Variants in GALNT14 observed in about 807,000 individuals in gnomAD.
The protein encoded by GALNT14 is polypeptide N-acetylgalactosaminyltransferase 14.
In GALNT14, 60 loss-of-function variants were observed where a neutral mutation model predicts 77.5. The ratio of observed to expected loss-of-function variants is 0.77; its 90% CI spans 0.63 to 0.96. GALNT14 has a LOEUF of 0.96. GALNT14 is among the 40% of genes least tolerant of loss of function. GALNT14 has a pLI of 0.00. For missense variants in GALNT14, 710 were observed against 731.0 expected (o/e 0.97, Z 0.33); for synonymous variants, 280 against 281.7 (o/e 0.99, Z 0.06).
At chr2:31,085,679 G>C (rs935659086) in intron 1 of GALNT14, among the ~76,000 whole-genome samples, 2 of 152,176 alleles carry the variant, frequency 1.3e-5, no homozygotes, top group African/African-American at 4.8e-5. Context: ...ATTTCCTTTT[G>C]CTGCACTGCG....
At chr2:30,967,374 G>C (rs1227734517) in intron 2 of GALNT14, among the ~76,000 whole-genome samples, 1 of 152,164 alleles carries the variant, frequency 6.6e-6, no homozygotes, top group East Asian at 1.9e-4. Context: ...TAATGGCCCT[G>C]GTGTCATGTT....
chr2:30,978,645 T>C (rs1668790760), intron 2 of GALNT14, among the ~76,000 whole-genome samples: 2 of 152,308 alleles, frequency 1.3e-5, no homozygotes, highest in South Asian at 4.1e-4. Context: ...GAGGATTCAC[T>C]CGCTCACCGG....
rs1036544947 is a variant in GALNT14, at chr2:31,021,061, G to A, written c.130-28054C>T. Among the ~76,000 whole-genome samples, 174 of 152,292 alleles carry A rather than the reference G, an allele frequency of 1.1e-3. 1 individual carries two copies. Among genetic ancestry groups the A allele is most frequent in the African/African-American group, 3.9e-3 (164 of 41,568 alleles). Reference sequence around the variant, plus strand: ...AATCAATTGCCAATGGGACTGGAGGGAAGGCAGGAGCACAAATGCCCATCT... The same window carrying A: ...AATCAATTGCCAATGGGACTGGAGGAAAGGCAGGAGCACAAATGCCCATCT... On this transcript the variant is annotated intron_variant, in intron 1 of 14. Coordinates refer to ENST00000349752, the MANE Select transcript of GALNT14 (RefSeq NM_024572.4).
At chr2:31,076,903 G>A (rs1215685927) in intron 1 of GALNT14, among the ~76,000 whole-genome samples, 3 of 152,126 alleles carry the variant, frequency 2.0e-5, no homozygotes, top group Non-Finnish European at 4.4e-5. Flanking sequence ...AAGCCCCAAA[G>A]TTAGGGACGC....
At chr2:31,064,861 A>G (rs1409743675) in intron 1 of GALNT14, among the ~76,000 whole-genome samples, 5 of 152,048 alleles carry the variant, frequency 3.3e-5, no homozygotes, top group African/African-American at 1.2e-4. Context: ...TCTCCTGGGA[A>G]TAACTTTCCC....
At chr2:30,927,999 G>C (rs1013583269) in intron 11 of GALNT14, among the ~76,000 whole-genome samples, 2 of 152,192 alleles carry the variant, frequency 1.3e-5, no homozygotes, top group Non-Finnish European at 2.9e-5. Context: ...GAAGGTCTGA[G>C]GACAAGACCT....
rs773888092 is a variant in GALNT14, at chr2:30,955,693, G to A, written c.579C>T (p.Thr193=). The change falls in exon 6 of 15, where the codon ACC becomes ACT. Residue 193 remains threonine (T), a synonymous_variant. Coordinates refer to ENST00000349752, the MANE Select transcript of GALNT14 (RefSeq NM_024572.4). ...RIRGADIAQG[T]TLTFLDSHCE... ...AGTGGCTGTCGAGGAAAGTCAGAGT[G>A]GTGCCCTGGGCGATGTCAGCGCCCC... The A allele has an allele frequency of 6.8e-6, 11 of 1,614,164 alleles. 1 individual carries two copies. The South Asian group carries it at 1.2e-4, about 18-fold the overall frequency.
intron 1 of GALNT14, among the ~76,000 whole-genome samples, chr2:31,052,357 T>G (rs1673926875): frequency 1.3e-5 from 2 of 152,038 alleles, no homozygotes; most frequent in African/African-American, 4.8e-5. Flanking sequence ...TACAGCTGGG[T>G]GGATGACAGC....
intron 3 of GALNT14, 135 bp from the exon 4 acceptor site, chr2:30,958,599 T>C (rs1049864443): frequency 1.5e-6 from 1 of 659,714 alleles, no homozygotes; most frequent in Non-Finnish European, 2.7e-6. Context: ...CCAGTCATAT[T>C]GCTTATCTGT....
intron 1 of GALNT14, among the ~76,000 whole-genome samples, chr2:31,132,089 T>A (rs931987274): frequency 2.0e-5 from 3 of 152,136 alleles, no homozygotes; most frequent in Non-Finnish European, 4.4e-5. Context: ...TGCAGGTCCC[T>A]GGGACAGGGC....
intron 1 of GALNT14, among the ~76,000 whole-genome samples, chr2:31,109,459 A>C (rs984144779): frequency 6.6e-6 from 1 of 152,242 alleles, no homozygotes; most frequent in African/African-American, 2.4e-5. Flanking sequence ...AAAGACAAGG[A>C]ATGTCTGGCT....
intron 1 of GALNT14, among the ~76,000 whole-genome samples, chr2:31,034,321 A>G (rs763180373): frequency 5.9e-5 from 9 of 152,178 alleles, no homozygotes; most frequent in Non-Finnish European, 1.3e-4. Context: ...CTTATAGTGC[A>G]TCTGGAACAC....
chr2:30,964,675 G>C (rs965955914), intron 3 of GALNT14, among the ~76,000 whole-genome samples: 1 of 152,228 alleles, frequency 6.6e-6, no homozygotes, highest in African/African-American at 2.4e-5. Flanking sequence ...AGCAGACAGG[G>C]CTGTCCCCTT....
chr2:30,950,175 T>A (rs376229759), intron 6 of GALNT14, among the ~76,000 whole-genome samples: 63 of 152,328 alleles, frequency 4.1e-4, no homozygotes, highest in Non-Finnish European at 7.2e-4. Flanking sequence ...ATGATTTATA[T>A]AAATTTACCA....
the GALNT14 span, among the ~76,000 whole-genome samples, chr2:30,890,955 GA>G: frequency 6.3e-3 from 962 of 152,288 alleles, 6 homozygotes; most frequent in African/African-American, 0.02. Flanking sequence ...GCCAGCCTGA[GA>G]CCAGGAGGCC....
At chr2:30,977,882 C>G (rs1213153049) in intron 2 of GALNT14, among the ~76,000 whole-genome samples, 4 of 152,184 alleles carry the variant, frequency 2.6e-5, no homozygotes, top group Non-Finnish European at 4.4e-5. Context: ...TGATCTACAC[C>G]CCTGGTTTGC....
In GALNT14 at chr2:30,992,848, G is replaced by A. The variant is rs775877765; in HGVS notation, c.289C>T (p.Arg97Cys). The change falls in exon 2 of 15, where the codon CGC becomes TGC. Residue 97 changes from arginine to cysteine, a missense_variant. By Grantham distance (180) the Arg-to-Cys change is radical. Transcript: ENST00000349752. Reference sequence around the variant, plus strand: ...AGAAGGAGGAAGTACCTCAGATGGCGAGTGTCCGGGATGGCCCGATTGCTG... The same window carrying A: ...AGAAGGAGGAAGTACCTCAGATGGCAAGTGTCCGGGATGGCCCGATTGCTG... ...ISSNRAIPDT[R>C]HLRCTLLVYC... The A allele has an allele frequency of 5.0e-6, 8 of 1,613,240 alleles. No individual in the cohort carries two copies. In the South Asian group the frequency reaches 5.5e-5, roughly 11 times the overall value.
intron 3 of GALNT14, among the ~76,000 whole-genome samples, chr2:30,963,213 A>G (rs984727168): frequency 3.9e-5 from 6 of 152,244 alleles, no homozygotes; most frequent in African/African-American, 1.4e-4. Context: ...GAACCCTCCC[A>G]GAGTGCAGGG....
chr2:31,066,265 G>A (rs7592888), intron 1 of GALNT14, among the ~76,000 whole-genome samples: 13,812 of 152,218 alleles, frequency 0.091, 862 homozygotes, highest in African/African-American at 0.19. Context: ...TACCATTAAG[G>A]GAGACCGATG....
Sources: allele counts gnomAD v4.1 joint callset (sites outside exome capture counted in the v4.1 genomes callset), GRCh38; gene constraint gnomAD v4.1.1; transcripts MANE v1.5; gene names NCBI Gene and HGNC (gene_info 2026-07-23, HGNC 2026-07-21).